The following PPM1H variants were observed in gnomAD, a reference collection of about 807,000 sequenced individuals.
The protein encoded by PPM1H is protein phosphatase 1H.
Under a neutral mutation model 54.9 loss-of-function variants are expected in PPM1H, and 27 were observed. The ratio of observed to expected loss-of-function variants is 0.49; its 90% CI spans 0.36 to 0.68. The LOEUF is 0.68. Ranked by LOEUF, PPM1H falls within the 30% of genes least tolerant of loss-of-function variation. The probability of loss-of-function intolerance (pLI) is 0.00; values close to 1 mark genes in which losing one functional copy is unlikely to be tolerated. For missense variants in PPM1H, 596 were observed against 667.8 expected, an observed-to-expected ratio of 0.89 and a Z score of 1.19; for synonymous variants, 305 against 270.8, an observed-to-expected ratio of 1.13 and a Z score of -1.24.
At chr12:62,814,379 T>C in intron 2 of PPM1H, among the ~76,000 whole-genome samples, 1 of 152,004 alleles carries the variant, frequency 6.6e-6, no homozygotes, top group Non-Finnish European at 1.5e-5. Context: ...CCACCACACC[T>C]GGCTAATTTT....
At chr12:62,673,613 C>A (rs1485784390) in intron 8 of PPM1H, among the ~76,000 whole-genome samples, 1 of 151,054 alleles carries the variant, frequency 6.6e-6, no homozygotes, top group Non-Finnish European at 1.5e-5. Flanking sequence ...TCCTGCAGCT[C>A]AGGACTGGCT....
intron 8 of PPM1H, among the ~76,000 whole-genome samples, chr12:62,680,639 C>G (rs191916633): frequency 8.7e-4 from 132 of 152,188 alleles, no homozygotes; most frequent in African/African-American, 3.0e-3. Flanking sequence ...TCTTGGACTT[C>G]CAGCCCAGAC....
intron 8 of PPM1H, among the ~76,000 whole-genome samples, chr12:62,683,130 G>T (rs1309804034): frequency 6.7e-6 from 1 of 149,590 alleles, no homozygotes; most frequent in Non-Finnish European, 1.5e-5. Context: ...GGTTGGTCTT[G>T]AACTCCTGGG....
chr12:62,710,675 C>T (rs1215331289), intron 6 of PPM1H, among the ~76,000 whole-genome samples: 1 of 152,130 alleles, frequency 6.6e-6, no homozygotes, highest in Non-Finnish European at 1.5e-5. Context: ...TTTTCTGTGT[C>T]AAACCCATCT....
chr12:62,655,864 C>T (rs994956968), intron 9 of PPM1H, among the ~76,000 whole-genome samples: 2 of 152,176 alleles, frequency 1.3e-5, no homozygotes, highest in South Asian at 2.1e-4. Flanking sequence ...ATTTTGAGAA[C>T]ATTTTTCTTC....
chr12:62,904,635 G>C (rs1871254569), intron 1 of PPM1H, among the ~76,000 whole-genome samples: 1 of 152,056 alleles, frequency 6.6e-6, no homozygotes, highest in South Asian at 2.1e-4. Context: ...TCAGATGCCA[G>C]GCAATGAAAG....
At chr12:62,691,856 T>C (rs535636419) in intron 7 of PPM1H, among the ~76,000 whole-genome samples, 1 of 149,886 alleles carries the variant, frequency 6.7e-6, no homozygotes, top group Non-Finnish European at 1.5e-5. Context: ...TGGGGCCCTC[T>C]GCCCTGCTGG....
At chr12:62,718,183 G>T (rs955137953) in intron 6 of PPM1H, among the ~76,000 whole-genome samples, 1 of 152,164 alleles carries the variant, frequency 6.6e-6, no homozygotes, top group African/African-American at 2.4e-5. Flanking sequence ...TCCCCCTCAA[G>T]GAGCCTACAG....
chr12:62,738,439 T>C (rs989975212), intron 4 of PPM1H, among the ~76,000 whole-genome samples: 1 of 152,184 alleles, frequency 6.6e-6, no homozygotes, highest in Admixed American at 6.5e-5. Context: ...TAAGAGCTAT[T>C]GCCCAGTCAA....
intron 1 of PPM1H, among the ~76,000 whole-genome samples, chr12:62,851,789 T>C (rs750759573): frequency 6.6e-6 from 1 of 152,116 alleles, no homozygotes; most frequent in Non-Finnish European, 1.5e-5. Flanking sequence ...AAATTGATAA[T>C]TAAAGGAGAG....
intron 1 of PPM1H, among the ~76,000 whole-genome samples, chr12:62,900,424 A>G (rs1871133020): frequency 6.6e-6 from 1 of 152,024 alleles, no homozygotes; most frequent in African/African-American, 2.4e-5. Context: ...ATTAGGAGAT[A>G]TACCTAATGT....
intron 6 of PPM1H, among the ~76,000 whole-genome samples, chr12:62,699,288 C>T (rs1186860338): frequency 6.6e-6 from 1 of 152,186 alleles, no homozygotes; most frequent in Non-Finnish European, 1.5e-5. Flanking sequence ...CCTCTACCTC[C>T]TGGGTTCAAG....
At chr12:62,803,072 A>G (rs536736801) in intron 2 of PPM1H, among the ~76,000 whole-genome samples, 2 of 152,234 alleles carry the variant, frequency 1.3e-5, no homozygotes, top group African/African-American at 4.8e-5. Context: ...TTTTTAGAAC[A>G]TGTTTTCACC....
intron 6 of PPM1H, among the ~76,000 whole-genome samples, chr12:62,714,368 C>T (rs1432090126): frequency 2.6e-5 from 4 of 152,176 alleles, no homozygotes; most frequent in Non-Finnish European, 5.9e-5. Flanking sequence ...CCACTCTGCT[C>T]CCAGTGGAAA....
chr12:62,838,338 T>TGTGTG (rs375217752), intron 1 of PPM1H, among the ~76,000 whole-genome samples: 33 of 93,324 alleles, frequency 3.5e-4, no homozygotes, highest in East Asian at 6.3e-4. Flanking sequence ...TGTGTGTGTG[T>TGTGTG]GGGGGGGGGG....
intron 1 of PPM1H, among the ~76,000 whole-genome samples, chr12:62,929,839 C>A (rs1366459911): frequency 6.6e-6 from 1 of 152,196 alleles, no homozygotes; most frequent in African/African-American, 2.4e-5. Flanking sequence ...GCTCAGGCTA[C>A]TCTGGACTTG....
At chr12:62,685,166 C>T (rs545984959) in intron 8 of PPM1H, among the ~76,000 whole-genome samples, 153 of 152,250 alleles carry the variant, frequency 1.0e-3, no homozygotes, top group Non-Finnish European at 2.0e-3. Context: ...TGTTACTTTG[C>T]ACAATTCTGT....
chr12:62,711,982 G>A (rs1161418692), intron 6 of PPM1H, among the ~76,000 whole-genome samples: 2 of 152,208 alleles, frequency 1.3e-5, no homozygotes, highest in East Asian at 1.9e-4. Flanking sequence ...GAGATGTGCT[G>A]CACACAGCAG....
At chr12:62,919,964 T>A (rs1213911191) in intron 1 of PPM1H, among the ~76,000 whole-genome samples, 1 of 152,018 alleles carries the variant, frequency 6.6e-6, no homozygotes, top group African/African-American at 2.4e-5. Flanking sequence ...TAAAAAAAAA[T>A]ACATAAATAA....
Sources: gnomAD v4.1 joint callset for allele counts (sites outside exome capture counted in the v4.1 genomes callset) on GRCh38, gnomAD v4.1.1 for gene constraint, MANE v1.5 for transcripts, NCBI Gene and HGNC (gene_info 2026-07-23, HGNC 2026-07-21) for gene names.